The following LPP variants were observed in gnomAD, a reference collection of about 807,000 sequenced individuals.
LPP encodes the protein LIM domain containing preferred translocation partner in lipoma, also known as lipoma-preferred partner.
A neutral mutation model predicts 60.4 loss-of-function variants in LPP; 38 were observed. The observed-to-expected ratio is 0.63, with a 90% CI of 0.49 to 0.83. LPP has a LOEUF of 0.83. Ranked by LOEUF, LPP falls within the 40% of genes least tolerant of loss-of-function variation. The pLI is 0.00. For missense variants in LPP, 902 were observed against 783.6 expected, an observed-to-expected ratio of 1.15 and a Z score of -1.80; for synonymous variants, 328 against 290.8, an observed-to-expected ratio of 1.13 and a Z score of -1.30.
At chr3:188,192,211 T>C (rs1445617688) in intron 1 of LPP, among the ~76,000 whole-genome samples, 1 of 152,196 alleles carries the variant, frequency 6.6e-6, no homozygotes, top group Non-Finnish European at 1.5e-5. Flanking sequence ...AAAGGCTTCA[T>C]GGGGTTGGTG....
intron 2 of LPP, among the ~76,000 whole-genome samples, chr3:188,237,516 G>A (rs556906579): frequency 3.9e-5 from 6 of 152,272 alleles, no homozygotes; most frequent in African/African-American, 1.2e-4. Context: ...TAAATAATCA[G>A]ACTTGAAAGT....
At chr3:188,859,014 C>T (rs768135409) in intron 9 of LPP, among the ~76,000 whole-genome samples, 3 of 148,068 alleles carry the variant, frequency 2.0e-5, no homozygotes, top group Admixed American at 6.9e-5. Flanking sequence ...GCTTGAACCT[C>T]GGAGGCAGAG....
chr3:188,341,833 G>A, intron 3 of LPP, 114 bp downstream of exon 3: 1 of 264,904 alleles, frequency 3.8e-6, no homozygotes, highest in Non-Finnish European at 5.8e-6. Flanking sequence ...ACTTTATGAG[G>A]AAAAGAACTG....
intron 9 of LPP, among the ~76,000 whole-genome samples, chr3:188,762,896 C>G (rs139155089): frequency 6.6e-6 from 1 of 152,114 alleles, no homozygotes; most frequent in African/African-American, 2.4e-5. Flanking sequence ...TTACCAAAGA[C>G]CCTTGTTCAA....
intron 9 of LPP, among the ~76,000 whole-genome samples, chr3:188,816,994 G>A (rs1325689260): frequency 6.6e-6 from 1 of 152,172 alleles, no homozygotes; most frequent in East Asian, 1.9e-4. Flanking sequence ...GAAGCATAAA[G>A]TACCCAAGAG....
intron 2 of LPP, among the ~76,000 whole-genome samples, chr3:188,226,540 G>A (rs747404484): frequency 6.2e-4 from 95 of 152,032 alleles, no homozygotes; most frequent in African/African-American, 2.1e-3. Flanking sequence ...CTAAAAAATC[G>A]GGGTGGTAAA....
At chr3:188,331,030 T>C (rs1270645413) in intron 2 of LPP, among the ~76,000 whole-genome samples, 1 of 152,200 alleles carries the variant, frequency 6.6e-6, no homozygotes, top group Non-Finnish European at 1.5e-5. Context: ...CATTTGTTTT[T>C]TTCTAGCCAT....
At chr3:188,872,806 G>C in intron 11 of LPP, 43 bp downstream of exon 11, 1 of 1,613,110 alleles carries the variant, frequency 6.2e-7, no homozygotes, top group African/African-American at 1.3e-5. Context: ...GGCAGGCGTT[G>C]AAAGGCTCGT....
chr3:188,853,608 G>T (rs1232840107), intron 9 of LPP, among the ~76,000 whole-genome samples: 4 of 152,172 alleles, frequency 2.6e-5, no homozygotes, highest in African/African-American at 9.7e-5. Flanking sequence ...GGGGAGGTAG[G>T]ACAGCATCCT....
intron 7 of LPP, among the ~76,000 whole-genome samples, chr3:188,665,109 T>C (rs1348767480): frequency 6.6e-6 from 1 of 152,198 alleles, no homozygotes; most frequent in Non-Finnish European, 1.5e-5. Context: ...GAGGATGGTG[T>C]ATTGTTTTAT....
At chr3:188,407,978 G>C (rs1465312349) in intron 4 of LPP, among the ~76,000 whole-genome samples, 1 of 151,816 alleles carries the variant, frequency 6.6e-6, no homozygotes, top group Non-Finnish European at 1.5e-5. Flanking sequence ...AGTAGAGATG[G>C]CGTTTCTCCA....
At chr3:188,383,585 C>T (rs1366424984) in intron 3 of LPP, among the ~76,000 whole-genome samples, 1 of 152,052 alleles carries the variant, frequency 6.6e-6, no homozygotes, top group Admixed American at 6.5e-5. Flanking sequence ...TGTAAATTTT[C>T]AAAAGAATTT....
chr3:188,360,503 T>C (rs1232707254), intron 3 of LPP, among the ~76,000 whole-genome samples: 1 of 152,072 alleles, frequency 6.6e-6, no homozygotes, highest in Non-Finnish European at 1.5e-5. Context: ...CCATATGATA[T>C]CCTGTCTGAA....
intron 2 of LPP, among the ~76,000 whole-genome samples, chr3:188,302,831 T>G (rs1344739023): frequency 1.3e-5 from 2 of 152,246 alleles, no homozygotes; most frequent in Non-Finnish European, 2.9e-5. Flanking sequence ...ATTTACTTCT[T>G]AACTTTTCCA....
At chr3:188,513,579 T>A (rs1365374551) in intron 5 of LPP, among the ~76,000 whole-genome samples, 1 of 152,170 alleles carries the variant, frequency 6.6e-6, no homozygotes, top group Admixed American at 6.5e-5. Flanking sequence ...TTATTATCTA[T>A]GCAAATTGAC....
intron 2 of LPP, among the ~76,000 whole-genome samples, chr3:188,288,770 T>A (rs1744893222): frequency 1.3e-5 from 2 of 151,722 alleles, no homozygotes; most frequent in Admixed American, 6.6e-5. Context: ...CTTCTCTTGA[T>A]GCCAAATAGC....
chr3:188,632,089 T>C (rs936001731), intron 7 of LPP, among the ~76,000 whole-genome samples: 1 of 152,220 alleles, frequency 6.6e-6, no homozygotes, highest in Non-Finnish European at 1.5e-5. Flanking sequence ...GTATTTATTT[T>C]ACTCTGGATA....
Position 188,708,362 on chromosome 3 carries a change from C to A in LPP, c.1209C>A (p.Asp403Glu). 1 of 1,614,194 alleles carries A rather than the reference C, an allele frequency of 6.2e-7. No individual in the cohort carries two copies. Among genetic ancestry groups the A allele is most frequent in the Non-Finnish European group, 8.5e-7 (1 of 1,180,024 alleles). Residue 403 changes from aspartate to glutamate, a missense_variant, in exon 8 of 12, where the codon GAC (aspartate) becomes GAA (glutamate). Physicochemically the swap from Asp to Glu is conservative, Grantham distance 45 (BLOSUM62 2). Transcript: ENST00000617246. The stretch of plus-strand genomic sequence containing the variant: ...ACCTGACCAAAAAGATGCTGTATGA[C>A]ATGGAAAATCCACCTGCTGACGAAT... ...LEHLTKKMLY[D>E]MENPPADEYF...
intron 8 of LPP, among the ~76,000 whole-genome samples, chr3:188,750,507 C>T (rs1434930737): frequency 6.6e-6 from 1 of 152,096 alleles, no homozygotes; most frequent in Non-Finnish European, 1.5e-5. Context: ...GTGGCACACA[C>T]CTGTAATCCC....
Sources: allele counts gnomAD v4.1 joint callset (sites outside exome capture counted in the v4.1 genomes callset), GRCh38; gene constraint gnomAD v4.1.1; transcripts MANE v1.5; gene names NCBI Gene and HGNC (gene_info 2026-07-23, HGNC 2026-07-21).